Variants in DCLK1 observed in about 807,000 individuals in gnomAD.
DCLK1 encodes the protein serine/threonine-protein kinase DCLK1.
DCLK1 carries 16 observed loss-of-function variants against 86.2 expected under a neutral mutation model. The ratio of observed to expected loss-of-function variants is 0.19; its 90% CI spans 0.13 to 0.28. The LOEUF (loss-of-function observed/expected upper bound fraction) is 0.28, where lower values mean the gene tolerates loss of function less well. Ranked by LOEUF, DCLK1 falls within the 10% of genes least tolerant of loss-of-function variation. The pLI is 1.00. For missense variants in DCLK1, 590 were observed against 940.2 expected (o/e 0.63, Z 4.87); for synonymous variants, 369 against 370.5 (o/e 1.00, Z 0.05).
At chr13:35,925,053 A>T (rs533202028) in intron 4 of DCLK1, among the ~76,000 whole-genome samples, 1 of 152,304 alleles carries the variant, frequency 6.6e-6, no homozygotes, top group South Asian at 2.1e-4. Context: ...AGTACCATCC[A>T]CTACAAGAGC....
intron 3 of DCLK1, among the ~76,000 whole-genome samples, chr13:35,975,852 C>T (rs993799670): frequency 1.4e-4 from 21 of 152,138 alleles, no homozygotes; most frequent in African/African-American, 4.8e-4. Flanking sequence ...GTAGGGAGCC[C>T]TATCCACTCT....
intron 3 of DCLK1, among the ~76,000 whole-genome samples, chr13:36,099,136 T>C (rs1467841630): frequency 1.3e-5 from 2 of 151,984 alleles, no homozygotes; most frequent in Non-Finnish European, 2.9e-5. Context: ...CCTGGCTCAT[T>C]TTTGTATTTT....
chr13:35,958,126 C>CCAT (rs1878164440), intron 3 of DCLK1, among the ~76,000 whole-genome samples: 1 of 4,362 alleles, frequency 2.3e-4, no homozygotes, highest in Non-Finnish European at 5.4e-4. Flanking sequence ...ACCACCACTA[C>CCAT]CACTACTATA....
At chr13:35,842,313 TC>T (rs1869869407) in intron 6 of DCLK1, among the ~76,000 whole-genome samples, 1 of 150,264 alleles carries the variant, frequency 6.7e-6, no homozygotes. Flanking sequence ...CATTTATTGG[TC>T]CTATCTCTGA....
intron 3 of DCLK1, among the ~76,000 whole-genome samples, chr13:35,970,333 AT>A (rs1450658346): frequency 1.3e-5 from 2 of 152,322 alleles, no homozygotes; most frequent in African/African-American, 2.4e-5. Flanking sequence ...TGATATTAGC[AT>A]TTTTTGAATG....
At chr13:35,848,780 G>T (rs1048538668) in intron 6 of DCLK1, 5 of 985,174 alleles carry the variant, frequency 5.1e-6, no homozygotes, top group Admixed American at 6.1e-5. Flanking sequence ...TGCTTTCTTT[G>T]TATTTTTGGC....
intron 4 of DCLK1, among the ~76,000 whole-genome samples, chr13:35,897,911 G>A (rs1039362594): frequency 6.6e-6 from 1 of 152,084 alleles, no homozygotes; most frequent in Non-Finnish European, 1.5e-5. Context: ...CTTAAACTCT[G>A]CGTTTATAAA....
intron 3 of DCLK1, among the ~76,000 whole-genome samples, chr13:35,977,510 A>G (rs1879408096): frequency 6.6e-6 from 1 of 152,204 alleles, no homozygotes; most frequent in South Asian, 2.1e-4. Flanking sequence ...TTGCCCCAAT[A>G]TTAGGTATTT....
chr13:36,117,779 G>T (rs1445371210), intron 2 of DCLK1, among the ~76,000 whole-genome samples: 1 of 152,138 alleles, frequency 6.6e-6, no homozygotes, highest in African/African-American at 2.4e-5. Context: ...TAAGTCAGGA[G>T]ACTATCTTCA....
At position 36,111,998 on chromosome 13, in the gene DCLK1, C is replaced by A; in HGVS notation, c.594G>T (p.Arg198=). 1 of 1,614,232 alleles carries A rather than the reference C, an allele frequency of 6.2e-7. No individual in the cohort carries two copies. Among genetic ancestry groups the A allele is most frequent in the South Asian group, 1.1e-5 (1 of 91,086 alleles). Residue 198 remains arginine (R), a synonymous_variant, in exon 3 of 17, where the codon CGG becomes CGT. Coordinates refer to ENST00000360631, the MANE Select transcript of DCLK1 (RefSeq NM_001330071.2). ...TGTTCAGCAGAATCCTGACAGCTTT[C>A]CGTGGCTTCACGCCACTTCTGATGA... is the stretch of plus-strand genomic sequence containing the variant. ...VTIIRSGVKP[R]KAVRILLNKK...
At chr13:36,007,108 T>C (rs1881012836) in intron 3 of DCLK1, among the ~76,000 whole-genome samples, 1 of 152,146 alleles carries the variant, frequency 6.6e-6, no homozygotes, top group African/African-American at 2.4e-5. Context: ...GGCTCATTGG[T>C]CAACTCAGCA....
chr13:35,886,007 C>CTTTTT (rs10589320), intron 4 of DCLK1, among the ~76,000 whole-genome samples: 3 of 130,714 alleles, frequency 2.3e-5, no homozygotes, highest in Non-Finnish European at 4.8e-5. Flanking sequence ...GAATAGGTTC[C>CTTTTT]TTTTTTTTTT....
upstream of DCLK1, among the ~76,000 whole-genome samples, chr13:36,131,545 G>C (rs1319720280): frequency 1.3e-5 from 2 of 151,916 alleles, no homozygotes; most frequent in Non-Finnish European, 2.9e-5. Flanking sequence ...CCCTCCCAGC[G>C]CCCTCTTCCC....
At chr13:36,072,824 C>T (rs1188458069) in intron 3 of DCLK1, among the ~76,000 whole-genome samples, 2 of 152,194 alleles carry the variant, frequency 1.3e-5, no homozygotes, top group African/African-American at 2.4e-5. Context: ...TATTTTACTA[C>T]AGTCATGAAA....
chr13:36,125,896 A>T lies in DCLK1; in HGVS notation c.242T>A (p.Phe81Tyr), dbSNP rs1448174952. 1 of 1,614,206 alleles carries T rather than the reference A, an allele frequency of 6.2e-7. No individual in the cohort carries two copies. Among genetic ancestry groups the T allele is most frequent in the Non-Finnish European group, 8.5e-7 (1 of 1,180,032 alleles). ...AGCCAGCAGGGCCTCAAAAGATCGG[A>T]ACCGGTCTGGGGAGATGGCATACAC... ...GIVYAISPDR[F>Y]RSFEALLADL... The change falls in exon 2 of 17, where the codon TTC becomes TAC. Residue 81 changes from phenylalanine (F) to tyrosine (Y), a missense_variant. By Grantham distance (22) the Phe-to-Tyr change is conservative. Around this residue, in one of 6 missense-constraint regions of DCLK1, gnomAD observed 195 missense variants for 365.1 expected, o/e 0.53. Transcript: ENST00000360631.
chr13:36,099,327 C>A (rs1027774143), intron 3 of DCLK1, among the ~76,000 whole-genome samples: 3 of 152,222 alleles, frequency 2.0e-5, no homozygotes, highest in Non-Finnish European at 4.4e-5. Flanking sequence ...TAAAACACAT[C>A]TTTCAGTTAT....
intron 14 of DCLK1, among the ~76,000 whole-genome samples, chr13:35,807,064 T>C (rs2087041936): frequency 1.3e-5 from 2 of 152,172 alleles, no homozygotes; most frequent in Admixed American, 1.3e-4. Flanking sequence ...ATTGAGAACA[T>C]TTTTCTCAAA....
intron 16 of DCLK1, among the ~76,000 whole-genome samples, chr13:35,792,744 T>C (rs958918293): frequency 1.3e-5 from 2 of 152,228 alleles, no homozygotes; most frequent in South Asian, 4.1e-4. Context: ...ATGTAGTGTA[T>C]GTCTGCATGT....
At position 35,839,206 on chromosome 13, in the gene DCLK1, A is replaced by G. The variant is rs775204411; in HGVS notation, c.1036-30T>C. 9.7e-6 allele frequency: 15 copies of G among 1,549,814 alleles called. No homozygotes were observed. In the Admixed American group the frequency reaches 2.9e-4, roughly 30 times the overall value. ...AGGGGAACAGAAACCGGTAATTCAAAAACTGGGTCAGAATGCCTGAGTTTC... is the reference window on the plus strand; with the variant it reads ...AGGGGAACAGAAACCGGTAATTCAAGAACTGGGTCAGAATGCCTGAGTTTC... On this transcript the variant is annotated intron_variant, in intron 6 of 16. Transcript: ENST00000360631.
Sources: gnomAD v4.1 joint callset for allele counts (sites outside exome capture counted in the v4.1 genomes callset) on GRCh38, gnomAD v4.1.1 for gene constraint, gnomAD v4.1.1 regional missense constraint, MANE v1.5 for transcripts, NCBI Gene and HGNC (gene_info 2026-07-23, HGNC 2026-07-21) for gene names.